PDZD2: variants seen among roughly 807,000 people sequenced by gnomAD.
PDZD2 encodes PDZ domain-containing protein 2.
Under a neutral mutation model 220.7 loss-of-function variants are expected in PDZD2, and 90 were observed. The ratio of observed to expected loss-of-function variants is 0.41; its 90% confidence interval spans 0.34 to 0.49. The LOEUF (loss-of-function observed/expected upper bound fraction) is 0.49, where lower values mean the gene tolerates loss of function less well. Among genes scored for constraint, PDZD2 ranks in the 20% least tolerant of loss-of-function variants. PDZD2 has a pLI of 0.28. For missense variants in PDZD2, 3,174 were observed against 3,608.5 expected (o/e 0.88, Z 3.08); for synonymous variants, 1,375 against 1,450.5 (o/e 0.95, Z 1.18).
chr5:31,701,104 A>G (rs1261936250), intron 1 of PDZD2, among the ~76,000 whole-genome samples: 1 of 152,192 alleles, frequency 6.6e-6, no homozygotes, highest in Non-Finnish European at 1.5e-5. Context: ...TGTTGTACAG[A>G]CCCAGTGCTG....
intron 10 of PDZD2, among the ~76,000 whole-genome samples, chr5:32,056,841 G>A (rs1739132544): frequency 1.3e-5 from 2 of 152,096 alleles, no homozygotes; most frequent in South Asian, 4.1e-4. Context: ...TGTAATCCCC[G>A]CACTTTGGGA....
intron 1 of PDZD2, among the ~76,000 whole-genome samples, chr5:31,677,238 G>C (rs778691524): frequency 1.3e-5 from 2 of 152,210 alleles, no homozygotes; most frequent in Non-Finnish European, 2.9e-5. Flanking sequence ...CCCTAGCCTT[G>C]CACTGGGTTT....
Position 32,098,647 on chromosome 5 carries a change from T to C in PDZD2, c.8218+13T>C, listed in dbSNP as rs577887587. On this transcript the variant is annotated intron_variant, in intron 23 of 24. Coordinates refer to ENST00000438447, the MANE Select transcript of PDZD2 (RefSeq NM_178140.4). The surrounding 1 kb of genome is among the most constrained non-coding windows in gnomAD (Gnocchi z 4.1). ...GAGCCTGGCATTGGTAAGATGATCA[T>C]TTCAACAACCAGCAGGCTGTGAGCT... 2.9e-5 allele frequency: 47 copies of C among 1,606,138 alleles called. No homozygotes were observed. The highest frequency in any genetic ancestry group is 3.8e-5 in the Non-Finnish European group (45 of 1,175,334).
chr5:31,800,463 T>G (rs1172466440), intron 2 of PDZD2, among the ~76,000 whole-genome samples: 2 of 152,174 alleles, frequency 1.3e-5, no homozygotes, highest in East Asian at 3.9e-4. Flanking sequence ...TGGCTGAGCT[T>G]AGCTACTCCT....
chr5:32,036,593 T>G (rs553315400), intron 6 of PDZD2, among the ~76,000 whole-genome samples: 11 of 152,302 alleles, frequency 7.2e-5, no homozygotes, highest in South Asian at 6.2e-4. Flanking sequence ...GTCACACAAC[T>G]TCCAGATGTG....
At chr5:31,898,031 G>A (rs1012111809) in intron 2 of PDZD2, among the ~76,000 whole-genome samples, 1 of 152,078 alleles carries the variant, frequency 6.6e-6, no homozygotes, top group Non-Finnish European at 1.5e-5. Flanking sequence ...ATGAGCCACC[G>A]CACCCAGCCA....
At chr5:32,036,069 G>C (rs1449536382) in intron 6 of PDZD2, among the ~76,000 whole-genome samples, 8 of 152,020 alleles carry the variant, frequency 5.3e-5, no homozygotes, top group Admixed American at 2.0e-4. Flanking sequence ...TCAGCCTCTC[G>C]AGTAGCTGGG....
chr5:31,872,142 G>GGTGTGTGTGTGTGT (rs55806241), intron 2 of PDZD2, among the ~76,000 whole-genome samples: 28,768 of 147,548 alleles, frequency 0.19, 3,204 homozygotes, highest in South Asian at 0.38. Context: ...TAAGGTGAGT[G>GGTGTGTGTGTGTGT]GTGTGTGTGT....
intron 1 of PDZD2, among the ~76,000 whole-genome samples, chr5:31,736,750 A>G (rs570380629): frequency 6.6e-6 from 1 of 152,212 alleles, no homozygotes; most frequent in Admixed American, 6.5e-5. Context: ...CCAATGTTGG[A>G]GGTGGGGCCT....
chr5:31,760,647 C>T (rs909589192), intron 1 of PDZD2, among the ~76,000 whole-genome samples: 12 of 152,134 alleles, frequency 7.9e-5, no homozygotes, highest in African/African-American at 1.2e-4. Flanking sequence ...AGAGGCCAGG[C>T]GTGGTGGCTT....
chr5:32,071,355 G>T, intron 15 of PDZD2, 29 bp from the exon 16 acceptor site: 1 of 1,552,278 alleles, frequency 6.4e-7, no homozygotes, highest in Non-Finnish European at 8.9e-7. Flanking sequence ...TTATTGTTTT[G>T]ACAATATGGT....
At chr5:32,064,538 C>A (rs569834424) in intron 14 of PDZD2, among the ~76,000 whole-genome samples, 1 of 152,130 alleles carries the variant, frequency 6.6e-6, no homozygotes, top group Non-Finnish European at 1.5e-5. Context: ...CCACCACGCC[C>A]GGCCTCAATC....
At chr5:32,079,841 G>C (rs1166705779) in intron 19 of PDZD2, among the ~76,000 whole-genome samples, 1 of 151,828 alleles carries the variant, frequency 6.6e-6, no homozygotes, top group Non-Finnish European at 1.5e-5. Context: ...TGAAACCCCA[G>C]AATATCTATC....
At chr5:31,964,836 C>T (rs1469584570) in intron 2 of PDZD2, among the ~76,000 whole-genome samples, 1 of 152,222 alleles carries the variant, frequency 6.6e-6, no homozygotes, top group Non-Finnish European at 1.5e-5. Context: ...CTGCCTCAGC[C>T]TCCCGAGGAG....
chr5:31,709,689 C>T (rs1444727381), intron 1 of PDZD2, among the ~76,000 whole-genome samples: 1 of 152,050 alleles, frequency 6.6e-6, no homozygotes, highest in East Asian at 1.9e-4. Context: ...GGTGCGATGG[C>T]CCACGCCTGT....
chr5:31,932,957 C>G (rs1292049809), intron 2 of PDZD2, among the ~76,000 whole-genome samples: 1 of 151,040 alleles, frequency 6.6e-6, no homozygotes, highest in Non-Finnish European at 1.5e-5. Context: ...GTTGCCCAGG[C>G]TGGAGTGCTA....
intron 2 of PDZD2, among the ~76,000 whole-genome samples, chr5:31,828,160 T>C (rs1756344258): frequency 6.6e-6 from 1 of 152,270 alleles, no homozygotes. Flanking sequence ...AACATTGGTG[T>C]ACAAGCTTTT....
At chr5:31,958,474 G>A (rs576615501) in intron 2 of PDZD2, among the ~76,000 whole-genome samples, 52 of 152,080 alleles carry the variant, frequency 3.4e-4, no homozygotes, top group Admixed American at 2.6e-3. Context: ...GGCTGGTGTC[G>A]AACTCCTGAC....
intron 24 of PDZD2, chr5:32,103,441 GATATA>G (rs1347542592): frequency 6.6e-6 from 1 of 152,108 alleles, no homozygotes; most frequent in Non-Finnish European, 1.5e-5. Context: ...TTCAAACCTT[GATATA>G]ATAAAGTTTC....
Sources: gnomAD v4.1 joint callset for allele counts (sites outside exome capture counted in the v4.1 genomes callset) on GRCh38, gnomAD v4.1.1 for gene constraint, Gnocchi (gnomAD v3.1) non-coding constraint, MANE v1.5 for transcripts, NCBI Gene and HGNC (gene_info 2026-07-23, HGNC 2026-07-21) for gene names.